The following AJUBA variants were observed in gnomAD, a reference collection of about 807,000 sequenced individuals.
The protein encoded by AJUBA is ajuba LIM protein.
Under a neutral mutation model 53.3 loss-of-function variants are expected in AJUBA, and 20 were observed. The ratio of observed to expected loss-of-function variants is 0.38; its 90% confidence interval spans 0.26 to 0.55. AJUBA has a LOEUF of 0.55. Ranked by LOEUF, AJUBA falls within the 20% of genes least tolerant of loss-of-function variation. AJUBA has a pLI of 0.80. For missense variants in AJUBA, 580 were observed against 730.5 expected, an observed-to-expected ratio of 0.79 and a Z score of 2.38; for synonymous variants, 296 against 306.2, an observed-to-expected ratio of 0.97 and a Z score of 0.35.
At position 22,981,495 on chromosome 14, in the gene AJUBA, G is replaced by A; in HGVS notation, c.772C>T (p.Gln258Ter). Residue 258 changes from glutamine to a stop codon, truncating the protein, a stop_gained, in exon 1 of 8, where the codon CAA becomes TAA. Coordinates refer to ENST00000262713, the MANE Select transcript of AJUBA (RefSeq NM_032876.6). LOFTEE classifies it high-confidence loss of function. The stretch of plus-strand genomic sequence containing the variant: ...CCGGTCACAGAGTGTCGTCCGGGTT[G>A]CGCCCCCCGTCTCTCCAAGGGCCCC... ...AAGPLERRGA[Q>*]PGRHSVTGYG... 6.3e-7 allele frequency: 1 copy of A among 1,592,498 alleles called. No individual in the cohort carries two copies. Among genetic ancestry groups the A allele is most frequent in the South Asian group, 1.1e-5 (1 of 89,144 alleles).
intron 1 of AJUBA, chr14:22,978,647 C>A: frequency 7.4e-7 from 1 of 1,354,604 alleles, no homozygotes; most frequent in Non-Finnish European, 9.5e-7. Flanking sequence ...AATTACTCAA[C>A]AGATATTTTC....
intron 6 of AJUBA, chr14:22,974,592 A>G (rs2045016507): frequency 2.0e-6 from 1 of 511,242 alleles, no homozygotes; most frequent in Non-Finnish European, 3.5e-6. Context: ...TCGACCTCAA[A>G]GAAAGTCTCC....
chr14:22,976,969 C>G, intron 2 of AJUBA: 1 of 1,362,998 alleles, frequency 7.3e-7, no homozygotes, highest in African/African-American at 1.5e-5. Context: ...TTTCTAGGGC[C>G]CCTCCCCTAA....
At chr14:22,974,239 A>G (rs1422531506) in intron 6 of AJUBA, 124 bp from the exon 7 acceptor site, 16 of 1,003,976 alleles carry the variant, frequency 1.6e-5, no homozygotes, top group Non-Finnish European at 2.3e-5. Flanking sequence ...TCTCTCTGCA[A>G]TCACCTGTAG....
At chr14:22,974,199 C>CA in intron 6 of AJUBA, 84 bp from the exon 7 acceptor site, 2 of 1,398,690 alleles carry the variant, frequency 1.4e-6, no homozygotes, top group Non-Finnish European at 2.0e-6. Context: ...CTTCCCACCC[C>CA]ATGGGAAGAT....
In AJUBA at chr14:22,972,702, A is replaced by C. The variant is rs1827353582; in HGVS notation, c.*741T>G. ...GAAATAACTCATTAATGAGGTCCAG[A>C]GTTTCTACCTCTTCATCCAGATATA... On this transcript the variant is annotated 3_prime_UTR_variant, in exon 8 of 8. Coordinates refer to ENST00000262713, the MANE Select transcript of AJUBA (RefSeq NM_032876.6). 1 of 152,564 alleles carries C rather than the reference A, an allele frequency of 6.6e-6. No individual in the cohort carries two copies. The highest frequency in any genetic ancestry group is 1.5e-5 in the Non-Finnish European group (1 of 68,064). 9.5% of individuals were successfully genotyped at this position (152,564 alleles called of 1,614,324 possible).
At position 22,973,284 on chromosome 14, in the gene AJUBA, G is replaced by T. The variant is rs2045001581; in HGVS notation, c.*159C>A. 2.7e-6 allele frequency: 3 copies of T among 1,094,094 alleles called. No individual in the cohort carries two copies. Among genetic ancestry groups the T allele is most frequent in the African/African-American group, 1.6e-5 (1 of 62,894 alleles). The allele number at this position is 1,094,094 out of a possible 1,614,324, so 67.8% of individuals were successfully genotyped here. A position where few individuals can be genotyped will look rare whatever the true frequency, so the allele number is the denominator to read the frequency against. On this transcript the variant is annotated 3_prime_UTR_variant, in exon 8 of 8. Transcript: ENST00000262713. ...AAGGTTTCTCTTCCACAATCCATTT[G>T]GAATATCATGATCTTTGGGTCTCCG...
rs61737805 is a variant in AJUBA, at chr14:22,974,875, C to T, written c.1386G>A (p.Lys462=). Residue 462 remains lysine, a synonymous_variant, in exon 6 of 8, where the codon AAG becomes AAA. Transcript: ENST00000262713. The part of the protein sequence containing the change: ...VTDYHKNYAP[K]CAACGQPILP... ...GGATGGGTTGGCCACAGGCTGCACACTTAGGAGCATAATTTCTGAAAGAGA... is the reference window on the plus strand; with the variant it reads ...GGATGGGTTGGCCACAGGCTGCACATTTAGGAGCATAATTTCTGAAAGAGA... 105,278 of 1,613,458 alleles carry T rather than the reference C, an allele frequency of 0.065. 4,042 individuals are homozygous for T. The highest frequency in any genetic ancestry group is 0.078 in the Non-Finnish European group (92,520 of 1,179,814).
chr14:22,978,233 T>C, intron 2 of AJUBA, 111 bp downstream of exon 2: 4 of 1,044,086 alleles, frequency 3.8e-6, no homozygotes, highest in South Asian at 1.7e-5. Flanking sequence ...ATCCAACAGC[T>C]GCTCTGTGAG....
chr14:22,978,533 A>G lies in AJUBA; in HGVS notation c.1007-88T>C. Reference sequence around the variant, plus strand: ...CCTGACTGCCCTTTCCTGATGTGCCAGGGGTCACAGTCTCCCTTTGATGGG... The same window carrying G: ...CCTGACTGCCCTTTCCTGATGTGCCGGGGGTCACAGTCTCCCTTTGATGGG... On this transcript the variant is annotated intron_variant, in intron 1 of 7. Transcript: ENST00000262713. The G allele has an allele frequency of 5.2e-6, 8 of 1,537,350 alleles. No homozygotes were observed. The South Asian group carries it at 9.8e-5, about 19-fold the overall frequency.
In AJUBA at chr14:22,973,324, C is replaced by T. The variant is rs2139345130; in HGVS notation, c.*119G>A. On this transcript the variant is annotated 3_prime_UTR_variant, in exon 8 of 8. Transcript: ENST00000262713. ...TTGGGTCTCCGGCCCTTGGGGTCCT[C>T]CCCAGAGGACTCTTCTGCCAGGCCT... 7.0e-7 allele frequency: 1 copy of T among 1,437,744 alleles called. No homozygotes were observed. The highest frequency in any genetic ancestry group is 9.4e-7 in the Non-Finnish European group (1 of 1,065,620). The allele number at this position is 1,437,744 out of a possible 1,614,324, so 89.1% of individuals were successfully genotyped here.
In AJUBA at chr14:22,981,837, G is replaced by A; in HGVS notation, c.430C>T (p.Leu144=). The change falls in exon 1 of 8, where the codon CTG becomes TTG. Residue 144 remains leucine, a synonymous_variant. Transcript: ENST00000262713. ...GCTCCGCCAGCCCCCGCCCCGTCCAGCAGCAGGCTGCCCCGGGGGCTGGAC... is the reference window on the plus strand; with the variant it reads ...GCTCCGCCAGCCCCCGCCCCGTCCAACAGCAGGCTGCCCCGGGGGCTGGAC... ...KPSSPRGSLL[L]DGAGAGGAGG... is the part of the protein sequence containing the mutation. 1 of 1,533,806 alleles carries A rather than the reference G, an allele frequency of 6.5e-7. No homozygotes were observed. The highest frequency in any genetic ancestry group is 8.7e-7 in the Non-Finnish European group (1 of 1,145,988).
Position 22,982,132 on chromosome 14 carries a change from C to T in AJUBA, c.135G>A (p.Arg45=). The T allele has an allele frequency of 1.2e-6, 2 of 1,606,584 alleles. No individual in the cohort carries two copies. Among genetic ancestry groups the T allele is most frequent in the South Asian group, 1.1e-5 (1 of 90,294 alleles). Reference sequence around the variant, plus strand: ...CAGTAGCTCCTCGGGGCCCTGACTTCCTAGGTCCCCCCAACCCACTTAGGC... The same window carrying T: ...CAGTAGCTCCTCGGGGCCCTGACTTTCTAGGTCCCCCCAACCCACTTAGGC... ...KGRLSGLGGP[R]KSGPRGATGG... Residue 45 remains arginine, a synonymous_variant, in exon 1 of 8, where the codon AGG becomes AGA. Coordinates refer to ENST00000262713, the MANE Select transcript of AJUBA (RefSeq NM_032876.6).
At chr14:22,978,896 T>G (rs2045062214) in intron 1 of AJUBA, 1 of 1,286,772 alleles carries the variant, frequency 7.8e-7, no homozygotes, top group Non-Finnish European at 1.0e-6. Context: ...AGAAATCGTC[T>G]CTGGGACTTC....
Position 22,979,268 on chromosome 14 carries a change from CA to C in AJUBA, c.1007-824del. ...CTTCCCTCCCTCCACTCCCCAATTC[CA>C]GGCCCATGAGTGAGGGCTAGGGCCT... On this transcript the variant is annotated intron_variant, in intron 1 of 7. Coordinates refer to ENST00000262713, the MANE Select transcript of AJUBA (RefSeq NM_032876.6). This position sits in a 1 kb window ranked among gnomAD's most constrained non-coding sequence, Gnocchi z 4.0. 2.0e-6 allele frequency: 1 copy of C among 505,432 alleles called. No homozygotes were observed. The highest frequency in any genetic ancestry group is 8.5e-5 in the South Asian group (1 of 11,772). The allele number at this position is 505,432 out of a possible 1,614,324, so 31.3% of individuals were successfully genotyped here. A position where few individuals can be genotyped will look rare whatever the true frequency, so the allele number is the denominator to read the frequency against.
chr14:22,981,080 T>A (rs1319805688), intron 1 of AJUBA, among the ~76,000 whole-genome samples, 181 bp downstream of exon 1: 1 of 152,116 alleles, frequency 6.6e-6, no homozygotes, highest in Admixed American at 6.6e-5. Flanking sequence ...CTGGTTCATC[T>A]GAAAACTAGC....
chr14:22,976,547 C>A, intron 3 of AJUBA, 29 bp from the exon 4 acceptor site: 1 of 1,613,928 alleles, frequency 6.2e-7, no homozygotes, highest in Non-Finnish European at 8.5e-7. Flanking sequence ...CGAACGGAGG[C>A]TGTTATCAAA....
intron 4 of AJUBA, chr14:22,975,382 T>C: frequency 2.6e-6 from 1 of 380,888 alleles, no homozygotes; most frequent in Non-Finnish European, 4.8e-6. Flanking sequence ...CCTCCAGGCC[T>C]ATTATCACAA....
rs759675136 is a variant in AJUBA, at chr14:22,981,683, T to G, written c.584A>C (p.Tyr195Ser). The change falls in exon 1 of 8, where the codon TAT (tyrosine) becomes TCT (serine). Residue 195 changes from tyrosine to serine, a missense_variant. Transcript: ENST00000262713. Reference sequence around the variant, plus strand: ...GGCGGACGGGACCCCTCCGGGAGAATAGCCTGCCGGTGCTCCGGCCAGGGG... The same window carrying G: ...GGCGGACGGGACCCCTCCGGGAGAAGAGCCTGCCGGTGCTCCGGCCAGGGG... Reference protein sequence around the residue: ...GPPLAGAPAGYSPGGVPSAYP... With the variant: ...GPPLAGAPAGSSPGGVPSAYP... 2.6e-6 allele frequency: 4 copies of G among 1,517,152 alleles called. No homozygotes were observed. In the African/African-American group the frequency reaches 4.1e-5, roughly 16 times the overall value. 94.0% of individuals were successfully genotyped at this position (1,517,152 alleles called of 1,614,324 possible).
Sources: gnomAD v4.1 joint callset for allele counts (sites outside exome capture counted in the v4.1 genomes callset) on GRCh38, gnomAD v4.1.1 for gene constraint, Gnocchi (gnomAD v3.1) non-coding constraint, MANE v1.5 for transcripts, NCBI Gene and HGNC (gene_info 2026-07-23, HGNC 2026-07-21) for gene names.